SPIDR: variants seen among roughly 807,000 people sequenced by gnomAD.
The protein encoded by SPIDR is DNA repair-scaffolding protein.
Under a neutral mutation model 104.6 loss-of-function variants are expected in SPIDR, and 93 were observed. The observed-to-expected ratio is 0.89, with a 90% CI of 0.75 to 1.06. The LOEUF is 1.06. SPIDR is among the 50% of genes least tolerant of loss of function. The pLI, the probability that SPIDR is intolerant of heterozygous loss-of-function variation, is 0.00. For missense variants in SPIDR, 1,154 were observed against 1,111.2 expected, an observed-to-expected ratio of 1.04 and a Z score of -0.55; for synonymous variants, 431 against 416.9, an observed-to-expected ratio of 1.03 and a Z score of -0.41.
chr8:47,278,644 T>G (rs2037088676), intron 1 of SPIDR, among the ~76,000 whole-genome samples: 1 of 152,082 alleles, frequency 6.6e-6, no homozygotes, highest in Non-Finnish European at 1.5e-5. Flanking sequence ...AGTCTTGCTC[T>G]GTCACCAGGC....
chr8:47,536,495 CAAAG>C (rs2086943133), intron 8 of SPIDR, among the ~76,000 whole-genome samples: 1 of 151,986 alleles, frequency 6.6e-6, no homozygotes. Context: ...TGATCTTTGA[CAAAG>C]AAGCAAAGGA....
chr8:47,440,577 CTG>C, intron 8 of SPIDR, 35 bp downstream of exon 8: 1 of 1,571,966 alleles, frequency 6.4e-7, no homozygotes, highest in Non-Finnish European at 8.7e-7. Context: ...CAGTCACCAA[CTG>C]TGAGTCAGCC....
intron 14 of SPIDR, among the ~76,000 whole-genome samples, chr8:47,710,889 C>G (rs895375092): frequency 6.6e-6 from 1 of 152,086 alleles, no homozygotes; most frequent in Non-Finnish European, 1.5e-5. Flanking sequence ...AAGCAATTCT[C>G]CTACCTCAGC....
intron 7 of SPIDR, among the ~76,000 whole-genome samples, chr8:47,418,934 A>G (rs932910017): frequency 4.6e-5 from 7 of 152,118 alleles, no homozygotes; most frequent in African/African-American, 7.2e-5. Context: ...TGATTTGCAT[A>G]TGTTGAACCA....
At chr8:47,389,348 C>G (rs543550488) in intron 5 of SPIDR, among the ~76,000 whole-genome samples, 55 of 152,208 alleles carry the variant, frequency 3.6e-4, no homozygotes, top group African/African-American at 1.3e-3. Context: ...TCTTGAAATT[C>G]ATCATTTGCG....
chr8:47,636,590 G>A (rs1236426421), intron 10 of SPIDR, among the ~76,000 whole-genome samples: 1 of 152,112 alleles, frequency 6.6e-6, no homozygotes, highest in Non-Finnish European at 1.5e-5. Flanking sequence ...GGAGGCCGAG[G>A]CTGGAGGATC....
At chr8:47,579,335 A>T (rs1454758754) in intron 8 of SPIDR, among the ~76,000 whole-genome samples, 1 of 152,168 alleles carries the variant, frequency 6.6e-6, no homozygotes, top group Non-Finnish European at 1.5e-5. Flanking sequence ...AAGTAACTAG[A>T]ATGTGATTTA....
At chr8:47,311,992 A>T (rs2044263920) in intron 5 of SPIDR, among the ~76,000 whole-genome samples, 1 of 152,050 alleles carries the variant, frequency 6.6e-6, no homozygotes, top group Admixed American at 6.6e-5. Context: ...TCCTTGCGAT[A>T]GTTTGCTGAG....
chr8:47,700,933 C>T (rs933655238), intron 12 of SPIDR, among the ~76,000 whole-genome samples: 1 of 152,180 alleles, frequency 6.6e-6, no homozygotes, highest in African/African-American at 2.4e-5. Context: ...CAGGAACTTC[C>T]ATTGTCCTGC....
intron 5 of SPIDR, among the ~76,000 whole-genome samples, chr8:47,363,754 T>G (rs1446574792): frequency 6.6e-6 from 1 of 152,030 alleles, no homozygotes; most frequent in Admixed American, 6.6e-5. Flanking sequence ...ACAGTTCAGT[T>G]TGGGGACCCC....
rs1309145374 is a variant in SPIDR at position 47,702,091 on chromosome 8, TCTCTCTTACACACA to T, written c.1977+78_1977+91del. 802 of 84,894 alleles carry T rather than the reference TCTCTCTTACACACA, an allele frequency of 9.4e-3. 50 individuals are homozygous for T. The highest frequency in any genetic ancestry group is 0.032 in the Admixed American group (180 of 5,696). 5.3% of individuals were successfully genotyped at this position (84,894 alleles called of 1,614,324 possible). On this transcript the variant is annotated intron_variant, in intron 14 of 19. Transcript: ENST00000297423. The stretch of plus-strand genomic sequence containing the variant: ...CTCTCTCTCTCTCTCTCTCTCTCTC[TCTCTCTTACACACA>T]CACACACACACACACACACACACAC...
At chr8:47,602,739 A>G (rs1485212072) in intron 10 of SPIDR, among the ~76,000 whole-genome samples, 1 of 152,334 alleles carries the variant, frequency 6.6e-6, no homozygotes, top group Admixed American at 6.5e-5. Flanking sequence ...ATTAGTGCCA[A>G]CCTCGAAATT....
At chr8:47,345,216 G>A (rs2051664089) in intron 5 of SPIDR, among the ~76,000 whole-genome samples, 1 of 152,166 alleles carries the variant, frequency 6.6e-6, no homozygotes, top group South Asian at 2.1e-4. Context: ...TTATTAAATA[G>A]GGAATCCTTT....
chr8:47,473,253 C>T (rs782359898), intron 8 of SPIDR, among the ~76,000 whole-genome samples: 1 of 152,218 alleles, frequency 6.6e-6, no homozygotes, highest in Admixed American at 6.5e-5. Flanking sequence ...AGAAGCATAA[C>T]GTGTTATACC....
chr8:47,282,820 T>C (rs1418414532), intron 2 of SPIDR, among the ~76,000 whole-genome samples: 2 of 152,142 alleles, frequency 1.3e-5, no homozygotes, highest in Non-Finnish European at 2.9e-5. Context: ...TGTCATGCCT[T>C]CCTACCTAAG....
intron 10 of SPIDR, among the ~76,000 whole-genome samples, chr8:47,671,820 G>A (rs1386122906): frequency 1.3e-5 from 2 of 152,096 alleles, no homozygotes; most frequent in African/African-American, 2.4e-5. Context: ...CTCATTGTGT[G>A]TACTTTTAAA....
At chr8:47,582,445 A>T (rs1037534794) in intron 8 of SPIDR, among the ~76,000 whole-genome samples, 3 of 152,206 alleles carry the variant, frequency 2.0e-5, no homozygotes, top group African/African-American at 7.2e-5. Context: ...TTCACCGTTG[A>T]CAGTGCTGAT....
At chr8:47,720,399 G>A (rs1398325803) in intron 16 of SPIDR, among the ~76,000 whole-genome samples, 10 of 152,312 alleles carry the variant, frequency 6.6e-5, no homozygotes, top group South Asian at 2.1e-4. Context: ...CTGCTAAGCC[G>A]TCTTCCAAAG....
intron 10 of SPIDR, among the ~76,000 whole-genome samples, chr8:47,655,765 A>G (rs1327352945): frequency 6.6e-6 from 1 of 152,058 alleles, no homozygotes; most frequent in Non-Finnish European, 1.5e-5. Flanking sequence ...TTTTGTTGCC[A>G]TTGCTTTTGG....
Sources: allele counts gnomAD v4.1 joint callset (sites outside exome capture counted in the v4.1 genomes callset), GRCh38; gene constraint gnomAD v4.1.1; transcripts MANE v1.5; gene names NCBI Gene and HGNC (gene_info 2026-07-23, HGNC 2026-07-21).